Variants in ANO10 observed in about 807,000 individuals in gnomAD.
ANO10 encodes anoctamin-10.
A neutral mutation model predicts 74.7 loss-of-function variants in ANO10; 77 were observed. The observed-to-expected ratio is 1.03, with a 90% CI of 0.86 to 1.25. ANO10 has a LOEUF of 1.25. Ranked by LOEUF, ANO10 falls within the 50% of genes most tolerant of loss-of-function variation. The pLI is 0.00. For synonymous variants in ANO10, 279 were observed against 284.9 expected (o/e 0.98, Z 0.21); for missense variants, 721 against 778.1 (o/e 0.93, Z 0.87).
At chr3:43,562,105 T>A (rs921043966) in intron 8 of ANO10, among the ~76,000 whole-genome samples, 1 of 152,122 alleles carries the variant, frequency 6.6e-6, no homozygotes, top group African/African-American at 2.4e-5. Flanking sequence ...GTGCAGTGGC[T>A]CATGCCTGTA....
At chr3:43,610,583 A>T (rs2082770391) in intron 1 of ANO10, among the ~76,000 whole-genome samples, 2 of 152,196 alleles carry the variant, frequency 1.3e-5, no homozygotes, top group South Asian at 4.1e-4. Flanking sequence ...GGTGACACGA[A>T]TTTCTCAGCT....
chr3:43,375,558 G>A (rs952517414), intron 12 of ANO10, among the ~76,000 whole-genome samples: 2 of 152,300 alleles, frequency 1.3e-5, no homozygotes, highest in Admixed American at 6.5e-5. Flanking sequence ...AAACCACAGT[G>A]AGACAGTTGG....
intron 11 of ANO10, among the ~76,000 whole-genome samples, chr3:43,438,621 C>T (rs2093111546): frequency 6.6e-6 from 1 of 152,064 alleles, no homozygotes; most frequent in Middle Eastern, 3.2e-3. Flanking sequence ...GTGGCAGCCA[C>T]CTGTAATCCC....
chr3:43,452,627 C>A (rs933443535), intron 11 of ANO10, among the ~76,000 whole-genome samples: 2 of 152,196 alleles, frequency 1.3e-5, no homozygotes, highest in Non-Finnish European at 2.9e-5. Context: ...ACGAATAATG[C>A]TGCTATGAAT....
chr3:43,575,455 T>G (rs896675356), intron 6 of ANO10, among the ~76,000 whole-genome samples: 2 of 152,150 alleles, frequency 1.3e-5, no homozygotes, highest in African/African-American at 4.8e-5. Context: ...TGCCTAACCT[T>G]GGGTAAGTTA....
chr3:43,580,051 G>A (rs901683245), intron 5 of ANO10, among the ~76,000 whole-genome samples: 2 of 151,562 alleles, frequency 1.3e-5, no homozygotes, highest in South Asian at 2.1e-4. Context: ...AGGCTGAGAT[G>A]GGAGGATTGA....
chr3:43,605,716 C>A lies in ANO10; in HGVS notation c.137G>T (p.Gly46Val). 6.2e-7 allele frequency: 1 copy of A among 1,613,484 alleles called. No homozygotes were observed. The change falls in exon 2 of 13, where the codon GGA (glycine) becomes GTA (valine). Residue 46 changes from glycine (G) to valine (V), a missense_variant and splice_region_variant. By Grantham distance (109) the Gly-to-Val change is moderately radical. Transcript: ENST00000292246. ...KNRIIAKKKD[G>V]GAQLLFRPLL... is the part of the protein sequence containing the mutation. Reference sequence around the variant, plus strand: ...TGAGCAGTGACTATTTTACTCACCTCCATCTTTTTTTTTAGCTATAATTCT... The same window carrying A: ...TGAGCAGTGACTATTTTACTCACCTACATCTTTTTTTTTAGCTATAATTCT...
At chr3:43,387,929 C>G (rs1506617) in intron 12 of ANO10, among the ~76,000 whole-genome samples, 140,092 of 152,216 alleles carry the variant, frequency 0.92, 64,715 homozygotes, top group Non-Finnish European at 0.96. Flanking sequence ...TATACTAAGG[C>G]GACATGTCTG....
chr3:43,467,981 T>C (rs2075697862), intron 11 of ANO10, among the ~76,000 whole-genome samples: 1 of 152,264 alleles, frequency 6.6e-6, no homozygotes, highest in Non-Finnish European at 1.5e-5. Context: ...ATCACAGTGA[T>C]GGAGTTCTTA....
chr3:43,568,236 G>A (rs895039919), intron 7 of ANO10, among the ~76,000 whole-genome samples: 11 of 151,968 alleles, frequency 7.2e-5, no homozygotes, highest in Admixed American at 3.9e-4. Flanking sequence ...ATTAATAATG[G>A]GAGACTTTAA....
At chr3:43,543,132 CCT>C (rs1184460809) in intron 11 of ANO10, among the ~76,000 whole-genome samples, 2 of 152,026 alleles carry the variant, frequency 1.3e-5, no homozygotes, top group Admixed American at 1.3e-4. Flanking sequence ...CTCTTCTCTC[CCT>C]CTGTTTCTCT....
chr3:43,469,001 C>A (rs544351207), intron 11 of ANO10, among the ~76,000 whole-genome samples: 1 of 142,740 alleles, frequency 7.0e-6, no homozygotes, highest in Non-Finnish European at 1.5e-5. Context: ...TGAGCCACCA[C>A]GCCTGGCTGG....
chr3:43,379,537 A>G (rs574672299), intron 12 of ANO10, among the ~76,000 whole-genome samples: 2 of 152,236 alleles, frequency 1.3e-5, no homozygotes, highest in Non-Finnish European at 2.9e-5. Flanking sequence ...AAGGAGATGG[A>G]CTGCCTCCAG....
chr3:43,689,887 C>A (rs1212153737), intron 1 of ANO10, among the ~76,000 whole-genome samples: 1 of 152,116 alleles, frequency 6.6e-6, no homozygotes, highest in African/African-American at 2.4e-5. Flanking sequence ...GCACCTAGAA[C>A]AAAGTGAGCC....
At chr3:43,534,851 C>G (rs189491125) in intron 11 of ANO10, among the ~76,000 whole-genome samples, 1 of 152,320 alleles carries the variant, frequency 6.6e-6, no homozygotes, top group South Asian at 2.1e-4. Flanking sequence ...CAAACCAGTA[C>G]AGGTCAAAGC....
chr3:43,375,838 A>T (rs1848070), intron 12 of ANO10, among the ~76,000 whole-genome samples: 129,808 of 152,226 alleles, frequency 0.85, 55,556 homozygotes, highest in Middle Eastern at 0.92. Flanking sequence ...TTGGGGGATG[A>T]ATTTAATGCC....
intron 11 of ANO10, among the ~76,000 whole-genome samples, chr3:43,497,451 C>T (rs902273586): frequency 1.1e-4 from 16 of 152,230 alleles, no homozygotes; most frequent in African/African-American, 3.9e-4. Context: ...CAACCTCTGG[C>T]AAGCAGCACA....
chr3:43,653,930 T>TG (rs2083817280), intron 1 of ANO10, among the ~76,000 whole-genome samples: 1 of 117,298 alleles, frequency 8.5e-6, no homozygotes, highest in Non-Finnish European at 1.6e-5. Flanking sequence ...TGCTGGGGTT[T>TG]TTTTTTTTTT....
chr3:43,485,005 G>T, intron 11 of ANO10: 2 of 1,462,428 alleles, frequency 1.4e-6, no homozygotes, highest in Non-Finnish European at 1.9e-6. Flanking sequence ...TGGTGGTGAG[G>T]CGTGGCTTGT....
Sources: gnomAD v4.1 joint callset for allele counts (sites outside exome capture counted in the v4.1 genomes callset) on GRCh38, gnomAD v4.1.1 for gene constraint, MANE v1.5 for transcripts, NCBI Gene and HGNC (gene_info 2026-07-23, HGNC 2026-07-21) for gene names.